WDPCP: variants seen among roughly 807,000 people sequenced by gnomAD.
The protein encoded by WDPCP is WD repeat-containing and planar cell polarity effector protein fritz homolog.
In WDPCP, 71 loss-of-function variants were observed where a neutral mutation model predicts 93.1. That is an observed-to-expected ratio of 0.76 (90% confidence interval 0.63 to 0.93). The LOEUF is 0.93. WDPCP is among the 40% of genes least tolerant of loss of function. The pLI, the probability that WDPCP is intolerant of heterozygous loss-of-function variation, is 0.00. For missense variants in WDPCP, 844 were observed against 887.4 expected (o/e 0.95, Z 0.62); for synonymous variants, 315 against 315.0 (o/e 1.00, Z 0.00).
intron 14 of WDPCP, chr2:63,228,512 A>AT (rs1678511368): frequency 6.6e-6 from 1 of 150,458 alleles, no homozygotes; most frequent in Non-Finnish European, 1.5e-5. Flanking sequence ...TACATGTGCC[A>AT]TGGTGGTGTG....
chr2:63,402,800 A>G (rs2421888), intron 10 of WDPCP, among the ~76,000 whole-genome samples: 62,809 of 152,050 alleles, frequency 0.41, 13,238 homozygotes, highest in Non-Finnish European at 0.43. Flanking sequence ...AGGTTGTGGA[A>G]AAAAGGGAAT....
In WDPCP at chr2:63,404,395, A is replaced by T; in HGVS notation, c.1088T>A (p.Leu363His). Residue 363 changes from leucine to histidine, a missense_variant, in exon 10 of 18, where the codon CTT (leucine) becomes CAT (histidine). Transcript: ENST00000272321. Reference sequence around the variant, plus strand: ...AGTCACTCTACGGTGAGTTTCATAAAGAATTAGCGAAGAATCTTCACAGCC... The same window carrying T: ...AGTCACTCTACGGTGAGTTTCATAATGAATTAGCGAAGAATCTTCACAGCC... The part of the protein sequence containing the change: ...ILGCEDSSLI[L>H]YETHRRVTLL... 1 of 1,614,214 alleles carries T rather than the reference A, an allele frequency of 6.2e-7. No individual in the cohort carries two copies. Among genetic ancestry groups the T allele is most frequent in the Admixed American group, 1.7e-5 (1 of 60,022 alleles).
chr2:63,669,913 G>C (rs1290513341), intron 2 of WDPCP, among the ~76,000 whole-genome samples: 2 of 152,124 alleles, frequency 1.3e-5, no homozygotes, highest in Non-Finnish European at 2.9e-5. Flanking sequence ...CTACTTACCA[G>C]CTGTGTGAAC....
At chr2:63,793,869 ATTGTGTGT>A (rs879574777) in intron 2 of WDPCP, among the ~76,000 whole-genome samples, 23 of 128,064 alleles carry the variant, frequency 1.8e-4, no homozygotes, top group Admixed American at 4.1e-4. Flanking sequence ...TAGTACTTAC[ATTGTGTGT>A]GTGTGTGTGT....
chr2:63,778,070 C>T (rs190657649), intron 2 of WDPCP, among the ~76,000 whole-genome samples: 117 of 152,286 alleles, frequency 7.7e-4, no homozygotes, highest in Admixed American at 1.4e-3. Flanking sequence ...TTTCCTTCAA[C>T]TCCACCTGAC....
rs1574913706 is a variant in WDPCP at position 63,221,949 on chromosome 2, G to A, written c.1915+37358C>T. Among the ~76,000 whole-genome samples, 3 of 152,286 alleles carry A rather than the reference G, an allele frequency of 2.0e-5. No homozygotes were observed. The East Asian group carries it at 5.8e-4, about 29-fold the overall frequency. The stretch of plus-strand genomic sequence containing the variant: ...ATCCTAGGAACATTTAAATATCTTT[G>A]AGGAGGGGTGCGGGCTGTCCCATTC... On this transcript the variant is annotated intron_variant, in intron 14 of 17. Coordinates refer to ENST00000272321, the MANE Select transcript of WDPCP (RefSeq NM_015910.7).
intron 3 of WDPCP, among the ~76,000 whole-genome samples, chr2:63,613,432 C>T (rs1016441519): frequency 6.6e-6 from 1 of 152,194 alleles, no homozygotes; most frequent in African/African-American, 2.4e-5. Flanking sequence ...GGCAAGGAGC[C>T]TGGGGCTTTT....
In WDPCP at chr2:63,605,110, T is replaced by A. The variant is rs577179122; in HGVS notation, n.488+45549A>T. On this transcript the variant is annotated intron_variant and non_coding_transcript_variant, in intron 3 of 4. Transcript: ENST00000467687. Reference sequence around the variant, plus strand: ...TAAACTTTGTATGGAGATACATAGTTTCCTTTTTCCAGAAGGATTGGTAAG... The same window carrying A: ...TAAACTTTGTATGGAGATACATAGTATCCTTTTTCCAGAAGGATTGGTAAG... Among the ~76,000 whole-genome samples the A allele has an allele frequency of 4.7e-4, 72 of 152,334 alleles. 1 individual carries two copies. In the South Asian group the frequency reaches 0.013, roughly 29 times the overall value.
intron 5 of WDPCP, 63 bp from the exon 6 acceptor site, chr2:63,484,726 G>T: frequency 6.2e-7 from 1 of 1,601,700 alleles, no homozygotes; most frequent in Non-Finnish European, 8.5e-7. Context: ...ATCAGTTAAA[G>T]TGCCTCTGAT....
At chr2:63,765,641 G>T (rs1416528808) in intron 2 of WDPCP, among the ~76,000 whole-genome samples, 1 of 152,186 alleles carries the variant, frequency 6.6e-6, no homozygotes, top group Non-Finnish European at 1.5e-5. Flanking sequence ...TTGTCCCAAA[G>T]ACATGGATTC....
intron 14 of WDPCP, among the ~76,000 whole-genome samples, chr2:63,194,969 A>T (rs1212643637): frequency 6.6e-6 from 1 of 152,146 alleles, no homozygotes; most frequent in Non-Finnish European, 1.5e-5. Flanking sequence ...TACTGGTAGG[A>T]TACTAGTTAT....
At chr2:63,287,801 C>G (rs1285005780) in intron 13 of WDPCP, among the ~76,000 whole-genome samples, 2 of 152,200 alleles carry the variant, frequency 1.3e-5, no homozygotes, top group Non-Finnish European at 2.9e-5. Context: ...GTTAATTCTT[C>G]TGACTGGAGA....
At chr2:63,622,082 TTTG>T in intron 3 of WDPCP, 120 of 1,105,908 alleles carry the variant, frequency 1.1e-4, no homozygotes, top group South Asian at 5.6e-4. Context: ...TTTTTTTTTT[TTTG>T]GAAGTTGATT....
At chr2:63,632,130 A>G (rs1709871034) in intron 3 of WDPCP, among the ~76,000 whole-genome samples, 2 of 152,202 alleles carry the variant, frequency 1.3e-5, no homozygotes, top group Non-Finnish European at 2.9e-5. Flanking sequence ...AGCTGAAACC[A>G]TCACCCCATT....
At chr2:63,571,296 TCA>T (rs1707480893) in intron 1 of WDPCP, 119 of 440,570 alleles carry the variant, frequency 2.7e-4, no homozygotes, top group South Asian at 2.0e-3. Flanking sequence ...GCCACAAACC[TCA>T]CAGAAGAATG....
At chr2:63,652,498 T>C (rs1558875943) in intron 2 of WDPCP, among the ~76,000 whole-genome samples, 1 of 152,178 alleles carries the variant, frequency 6.6e-6, no homozygotes, top group Non-Finnish European at 1.5e-5. Context: ...GGTCTACAAG[T>C]AGGCAACTGT....
chr2:63,785,932 G>A (rs2103987318), intron 2 of WDPCP, among the ~76,000 whole-genome samples: 1 of 152,246 alleles, frequency 6.6e-6, no homozygotes, highest in East Asian at 1.9e-4. Flanking sequence ...TTCATGTATT[G>A]CAAACAAGAT....
At chr2:63,838,094 C>G in the WDPCP span, among the ~76,000 whole-genome samples, 1 of 148,088 alleles carries the variant, frequency 6.8e-6, no homozygotes, top group Non-Finnish European at 1.5e-5. Context: ...AACTCTATCT[C>G]AAAGAAAAAA....
At chr2:63,711,762 A>T (rs1669266958) in intron 2 of WDPCP, among the ~76,000 whole-genome samples, 1 of 152,208 alleles carries the variant, frequency 6.6e-6, no homozygotes. Context: ...CACAGTTCTT[A>T]AAACGAACCG....
Sources: allele counts gnomAD v4.1 joint callset (sites outside exome capture counted in the v4.1 genomes callset), GRCh38; gene constraint gnomAD v4.1.1; transcripts MANE v1.5; gene names NCBI Gene and HGNC (gene_info 2026-07-23, HGNC 2026-07-21).